Variants in ARHGEF38 observed in about 807,000 individuals in gnomAD.
The protein encoded by ARHGEF38 is Rho guanine nucleotide exchange factor 38.
Under a neutral mutation model 79.9 loss-of-function variants are expected in ARHGEF38, and 79 were observed. The ratio of observed to expected loss-of-function variants is 0.99; its 90% CI spans 0.82 to 1.19. The LOEUF (loss-of-function observed/expected upper bound fraction) is 1.19. Ranked by LOEUF, ARHGEF38 falls within the 50% of genes most tolerant of loss-of-function variation. The probability of loss-of-function intolerance (pLI) is 0.00; values close to 1 mark genes in which losing one functional copy is unlikely to be tolerated. For missense variants in ARHGEF38, 962 were observed against 907.2 expected (o/e 1.06, Z -0.78); for synonymous variants, 366 against 328.3 (o/e 1.11, Z -1.24).
chr4:105,659,479 T>A, intron 10 of ARHGEF38, 114 bp downstream of exon 10: 4 of 1,066,490 alleles, frequency 3.8e-6, no homozygotes, highest in Non-Finnish European at 5.2e-6. Flanking sequence ...GTGGTGTGTG[T>A]GTATTTATTT....
At chr4:105,553,068 C>T (rs112812865) in intron 1 of ARHGEF38, 107 bp downstream of exon 1, 19,259 of 797,016 alleles carry the variant, frequency 0.024, 336 homozygotes, top group Middle Eastern at 0.039. Flanking sequence ...AAATTGAATA[C>T]CACCTCTCCT....
At chr4:105,599,630 G>T (rs544436710) in intron 2 of ARHGEF38, among the ~76,000 whole-genome samples, 1 of 152,204 alleles carries the variant, frequency 6.6e-6, no homozygotes, top group Non-Finnish European at 1.5e-5. Flanking sequence ...CTAATGAAAT[G>T]CCAGCAATGT....
At chr4:105,578,621 TATG>T (rs1726625100) in intron 1 of ARHGEF38, among the ~76,000 whole-genome samples, 1 of 152,170 alleles carries the variant, frequency 6.6e-6, no homozygotes. Flanking sequence ...AATTTAGGAT[TATG>T]ATATCTTCCT....
chr4:105,666,099 A>G lies in ARHGEF38; in HGVS notation c.1546-78A>G. 2.3e-6 allele frequency: 3 copies of G among 1,320,490 alleles called. No individual in the cohort carries two copies. In the South Asian group the frequency reaches 6.0e-5, roughly 26 times the overall value. 81.8% of individuals were successfully genotyped at this position (1,320,490 alleles called of 1,614,324 possible). On this transcript the variant is annotated intron_variant, in intron 10 of 13. Coordinates refer to ENST00000420470, the MANE Select transcript of ARHGEF38 (RefSeq NM_001242729.2). ...CTACCATATACCTCCTCAACTGTTC[A>G]TCACAACTCAATACATTTAACACCT... is the stretch of plus-strand genomic sequence containing the variant.
intron 3 of ARHGEF38, among the ~76,000 whole-genome samples, chr4:105,615,065 A>C (rs765829157): frequency 9.2e-5 from 14 of 152,222 alleles, no homozygotes; most frequent in Non-Finnish European, 2.9e-5. Context: ...GAAGATTCCA[A>C]ATGGAAATGA....
chr4:105,651,541 T>C (rs1730104967), intron 7 of ARHGEF38, among the ~76,000 whole-genome samples: 1 of 152,198 alleles, frequency 6.6e-6, no homozygotes, highest in Non-Finnish European at 1.5e-5. Flanking sequence ...ATACCGTGGG[T>C]AAGTTTCTTT....
rs994123739 is a variant in ARHGEF38 at position 105,680,336 on chromosome 4, A to G, written c.*2399A>G. 7 of 279,788 alleles carry G rather than the reference A, an allele frequency of 2.5e-5. No individual in the cohort carries two copies. The highest frequency in any genetic ancestry group is 4.5e-5 in the Admixed American group (1 of 22,370). The allele number at this position is 279,788 out of a possible 1,614,324, so 17.3% of individuals were successfully genotyped here. ...GTACAATCCTAAAAGCTTACTTGTT[A>G]GCACACTTGCTTATCTGTCCATTCA... On this transcript the variant is annotated 3_prime_UTR_variant, in exon 14 of 14. Coordinates refer to ENST00000420470, the MANE Select transcript of ARHGEF38 (RefSeq NM_001242729.2).
rs979528908 is a variant in ARHGEF38 at position 105,607,495 on chromosome 4, A to G, written c.385-5889A>G. 2.6e-4 allele frequency among the ~76,000 whole-genome samples: 40 copies of G among 151,934 alleles called. 1 individual carries two copies. Among genetic ancestry groups the G allele is most frequent in the Admixed American group, 2.6e-3 (40 of 15,210 alleles). ...GCACATCCCCAGAACCGTGTTAGAC[A>G]CAGTAGAGTACTCATAAAGGCAATT... On this transcript the variant is annotated intron_variant, in intron 2 of 13. Transcript: ENST00000420470.
chr4:105,613,376 T>G lies in ARHGEF38; in HGVS notation c.385-8T>G, dbSNP rs1425340845. The G allele has an allele frequency of 3.1e-6, 5 of 1,611,132 alleles. No homozygotes were observed. The African/African-American group carries it at 5.3e-5, about 17-fold the overall frequency. On this transcript the variant is annotated splice_region_variant and splice_polypyrimidine_tract_variant and intron_variant, in intron 2 of 13. Transcript: ENST00000420470. The stretch of plus-strand genomic sequence containing the variant: ...TCTCCATCAGCTCAATGTTTTTTGT[T>G]TCTTCAGACTGATAGGCTGGATGTG...
intron 2 of ARHGEF38, among the ~76,000 whole-genome samples, chr4:105,590,724 C>G (rs1159279806): frequency 6.6e-6 from 1 of 152,140 alleles, no homozygotes; most frequent in Non-Finnish European, 1.5e-5. Flanking sequence ...AAATGGACAA[C>G]TGCCAAACAG....
chr4:105,585,882 C>T (rs1285475966), intron 1 of ARHGEF38, among the ~76,000 whole-genome samples: 1 of 151,926 alleles, frequency 6.6e-6, no homozygotes, highest in Non-Finnish European at 1.5e-5. Context: ...CAGGCATGTG[C>T]CACCACACCC....
intron 5 of ARHGEF38, among the ~76,000 whole-genome samples, chr4:105,641,911 CT>C (rs1316758431): frequency 6.6e-6 from 1 of 152,118 alleles, no homozygotes. Flanking sequence ...AGTGTAGCTA[CT>C]TTTGGCACTA....
At chr4:105,577,137 C>T (rs1259804379) in intron 1 of ARHGEF38, among the ~76,000 whole-genome samples, 1 of 150,610 alleles carries the variant, frequency 6.6e-6, no homozygotes, top group Non-Finnish European at 1.5e-5. Context: ...TTTTAGGGTA[C>T]ATGTGCACAA....
In ARHGEF38 at chr4:105,617,673, A is replaced by G. The variant is rs535290853; in HGVS notation, c.508+4166A>G. 3.4e-4 allele frequency among the ~76,000 whole-genome samples: 52 copies of G among 152,322 alleles called. 1 individual carries two copies. The South Asian group carries it at 0.01, about 30-fold the overall frequency. ...AAAATCAGTTGGAAGTCTTTAGTTA[A>G]GGTATTCATCAAATGGAGAAAATAA... On this transcript the variant is annotated intron_variant, in intron 3 of 13. Coordinates refer to ENST00000420470, the MANE Select transcript of ARHGEF38 (RefSeq NM_001242729.2).
At chr4:105,597,408 T>C (rs113512346) in intron 2 of ARHGEF38, among the ~76,000 whole-genome samples, 57 of 152,342 alleles carry the variant, frequency 3.7e-4, no homozygotes, top group African/African-American at 1.3e-3. Context: ...ATTTACTGTT[T>C]CCAGGAAGAA....
chr4:105,660,310 G>A (rs1045615969), intron 10 of ARHGEF38, among the ~76,000 whole-genome samples: 16 of 151,988 alleles, frequency 1.1e-4, no homozygotes, highest in Non-Finnish European at 1.5e-5. Context: ...AACAATAAAT[G>A]CAAGTATATA....
At chr4:105,681,743 C>T (rs1286454756), downstream of ARHGEF38, among the ~76,000 whole-genome samples, 1 of 151,994 alleles carries the variant, frequency 6.6e-6, no homozygotes, top group Non-Finnish European at 1.5e-5. Context: ...TGATTTTTCA[C>T]CAAAAAAATT....
At position 105,583,950 on chromosome 4, in the gene ARHGEF38, TC is replaced by T. The variant is rs369280536; in HGVS notation, c.197-5296del. On this transcript the variant is annotated intron_variant, in intron 1 of 13. Transcript: ENST00000420470. ...GAGCATTATTTTTACTTAGTGTGTTTCCTTTTCTGATCCTTTATCTGGATAT... is the reference window on the plus strand; with the variant it reads ...GAGCATTATTTTTACTTAGTGTGTTTCTTTTCTGATCCTTTATCTGGATAT... 2.5e-3 allele frequency among the ~76,000 whole-genome samples: 378 copies of T among 152,324 alleles called. 2 individuals carry two copies. The highest frequency in any genetic ancestry group is 8.7e-3 in the African/African-American group (361 of 41,582).
At chr4:105,628,665 C>G (rs941506044) in intron 3 of ARHGEF38, among the ~76,000 whole-genome samples, 2 of 152,166 alleles carry the variant, frequency 1.3e-5, no homozygotes, top group Non-Finnish European at 1.5e-5. Flanking sequence ...CCCCAGAAAG[C>G]ACTACTAAAA....
Sources: gnomAD v4.1 joint callset for allele counts (sites outside exome capture counted in the v4.1 genomes callset) on GRCh38, gnomAD v4.1.1 for gene constraint, MANE v1.5 for transcripts, NCBI Gene and HGNC (gene_info 2026-07-23, HGNC 2026-07-21) for gene names.